MRTFA: variants seen among roughly 807,000 people sequenced by gnomAD.
MRTFA encodes the protein myocardin related transcription factor A.
A neutral mutation model predicts 83.5 loss-of-function variants in MRTFA; 20 were observed. The ratio of observed to expected loss-of-function variants is 0.24; its 90% CI spans 0.17 to 0.35. The LOEUF is 0.35. Among genes scored for constraint, MRTFA ranks in the 10% least tolerant of loss-of-function variants. The pLI is 1.00. For synonymous variants in MRTFA, 659 were observed against 541.2 expected (o/e 1.22, Z -3.02); for missense variants, 1,200 against 1,224.7 (o/e 0.98, Z 0.30).
chr22:40,525,848 C>G (rs1314919869), intron 3 of MRTFA, among the ~76,000 whole-genome samples: 1 of 151,034 alleles, frequency 6.6e-6, no homozygotes, highest in South Asian at 2.1e-4. Flanking sequence ...GGCAGAGAAT[C>G]AAAGAGGAAA....
At chr22:40,612,879 C>T (rs936835044) in intron 1 of MRTFA, among the ~76,000 whole-genome samples, 2 of 152,070 alleles carry the variant, frequency 1.3e-5, no homozygotes, top group Non-Finnish European at 1.5e-5. Context: ...CACAGGAGGT[C>T]GAGCCTGCAG....
At chr22:40,424,464 G>A in intron 7 of MRTFA, 83 bp from the exon 8 acceptor site, 1 of 1,442,464 alleles carries the variant, frequency 6.9e-7, no homozygotes. Flanking sequence ...CAGGCCACAG[G>A]CAGAGTGCCT....
At chr22:40,417,605 G>T in intron 12 of MRTFA, 112 bp from the exon 13 acceptor site, 3 of 717,510 alleles carry the variant, frequency 4.2e-6, no homozygotes, top group Non-Finnish European at 6.7e-6. Context: ...CTCTAGGAGG[G>T]AAGATGGGAG....
intron 3 of MRTFA, among the ~76,000 whole-genome samples, chr22:40,483,372 A>ATT (rs550051844): frequency 0.011 from 1,552 of 139,502 alleles, 32 homozygotes; most frequent in African/African-American, 0.038. Context: ...ACCTAAAGTA[A>ATT]TTTTTTTTTT....
chr22:40,626,935 ACT>A (rs1463190881), intron 1 of MRTFA, among the ~76,000 whole-genome samples: 2 of 151,692 alleles, frequency 1.3e-5, no homozygotes, highest in Non-Finnish European at 2.9e-5. Flanking sequence ...TGATAACACC[ACT>A]CTAACACCAA....
chr22:40,458,661 A>G (rs554502205), intron 4 of MRTFA, among the ~76,000 whole-genome samples: 23 of 152,288 alleles, frequency 1.5e-4, no homozygotes, highest in African/African-American at 5.3e-4. Context: ...TTGATAAAAG[A>G]TATCAACCAG....
chr22:40,441,216 G>C (rs768249273), intron 4 of MRTFA, among the ~76,000 whole-genome samples: 1 of 152,204 alleles, frequency 6.6e-6, no homozygotes, highest in Non-Finnish European at 1.5e-5. Flanking sequence ...CAAAGGAAGT[G>C]TGCAGAAAAT....
At chr22:40,607,914 C>A (rs1190508282) in intron 1 of MRTFA, among the ~76,000 whole-genome samples, 1 of 152,206 alleles carries the variant, frequency 6.6e-6, no homozygotes, top group East Asian at 1.9e-4. Context: ...TTGGGATTAA[C>A]AATCTCCAAT....
Position 40,614,163 on chromosome 22 carries a change from T to G in MRTFA, c.-83-19428A>C, listed in dbSNP as rs143277717. ...GTTGCAGTAAGCCGGGATCACACCA[T>G]TGTACTCCAGCCTGGGCAACAAGAG... On this transcript the variant is annotated intron_variant, in intron 1 of 14. Coordinates refer to ENST00000355630, the MANE Select transcript of MRTFA (RefSeq NM_020831.6). Among the ~76,000 whole-genome samples the G allele has an allele frequency of 7.1e-3, 1,076 of 151,536 alleles. 13 individuals carry two copies. Among genetic ancestry groups the G allele is most frequent in the African/African-American group, 0.025 (1,038 of 41,314 alleles).
intron 3 of MRTFA, among the ~76,000 whole-genome samples, chr22:40,506,524 C>A (rs2054582909): frequency 6.6e-6 from 1 of 152,164 alleles, no homozygotes; most frequent in South Asian, 2.1e-4. Flanking sequence ...GTATTTATCC[C>A]CAATATCTTA....
intron 2 of MRTFA, among the ~76,000 whole-genome samples, chr22:40,568,877 A>T (rs1224573941): frequency 2.6e-5 from 4 of 152,238 alleles, no homozygotes; most frequent in Admixed American, 2.6e-4. Context: ...AAGAAAAGGT[A>T]AATGCACACC....
In MRTFA at chr22:40,470,172, C is replaced by T. The variant is rs538026367; in HGVS notation, c.242-6886G>A. ...CCTGGAGGTGGATGTTGCAGTGAGC[C>T]GAGATTGTACCACTGCATTCTAGCC... On this transcript the variant is annotated intron_variant, in intron 3 of 14. Coordinates refer to ENST00000355630, the MANE Select transcript of MRTFA (RefSeq NM_020831.6). Among the ~76,000 whole-genome samples, 164 of 136,706 alleles carry T rather than the reference C, an allele frequency of 1.2e-3. 2 individuals carry two copies. The highest frequency in any genetic ancestry group is 4.3e-3 in the African/African-American group (153 of 35,458). 89.7% of individuals were successfully genotyped at this position (136,706 alleles called of 152,430 possible).
Position 40,535,348 on chromosome 22 carries a change from C to CTTTTTTTT in MRTFA, c.241+16750_241+16757dup, listed in dbSNP as rs531303160. 2.0e-4 allele frequency among the ~76,000 whole-genome samples: 21 copies of CTTTTTTTT among 107,112 alleles called. 1 individual carries two copies. The highest frequency in any genetic ancestry group is 3.2e-4 in the East Asian group (1 of 3,098). 70.3% of individuals were successfully genotyped at this position (107,112 alleles called of 152,430 possible). On this transcript the variant is annotated intron_variant, in intron 3 of 14. Transcript: ENST00000355630. ...TAATTTGCTGTGTGAGAGGTTTTTT[C>CTTTTTTTT]TTTTTTTTTTTTTTTTTCTTTTTGA... is the stretch of plus-strand genomic sequence containing the variant.
At chr22:40,552,793 G>A (rs563572040) in intron 2 of MRTFA, among the ~76,000 whole-genome samples, 60 of 152,320 alleles carry the variant, frequency 3.9e-4, no homozygotes, top group African/African-American at 1.4e-3. Context: ...TACTGATAGA[G>A]TGGGATGCTG....
intron 2 of MRTFA, among the ~76,000 whole-genome samples, chr22:40,571,921 C>CA (rs557782525): frequency 0.11 from 2,092 of 18,636 alleles, 314 homozygotes; most frequent in East Asian, 0.16. Flanking sequence ...AAGACTCTGT[C>CA]AAAAAAAAAA....
intron 2 of MRTFA, among the ~76,000 whole-genome samples, chr22:40,570,715 T>C (rs1336839222): frequency 6.6e-6 from 1 of 150,698 alleles, no homozygotes; most frequent in East Asian, 2.0e-4. Context: ...AGAGGCCACA[T>C]GTTGAGAATA....
chr22:40,534,128 G>A (rs1016070517), intron 3 of MRTFA, among the ~76,000 whole-genome samples: 5 of 152,176 alleles, frequency 3.3e-5, no homozygotes, highest in Admixed American at 1.3e-4. Context: ...ATTGATGAGA[G>A]GTGGGGAAGA....
rs184164263 is a variant in MRTFA, at chr22:40,550,444, C to A, written c.241+1662G>T. On this transcript the variant is annotated intron_variant, in intron 3 of 14. Coordinates refer to ENST00000355630, the MANE Select transcript of MRTFA (RefSeq NM_020831.6). ...CACAGAGATGGACAGAGAGACCAGT[C>A]AAAGAAAAGAGAGCCTAAAAACTAA... Among the ~76,000 whole-genome samples, 697 of 152,024 alleles carry A rather than the reference C, an allele frequency of 4.6e-3. 5 individuals are homozygous for A. The highest frequency in any genetic ancestry group is 0.012 in the Admixed American group (179 of 15,270).
chr22:40,499,551 C>T (rs2054420206), intron 3 of MRTFA, among the ~76,000 whole-genome samples: 3 of 152,010 alleles, frequency 2.0e-5, no homozygotes, highest in Admixed American at 6.6e-5. Context: ...ATTTCTCAAG[C>T]CAGAAGAAAA....
Sources: gnomAD v4.1 joint callset for allele counts (sites outside exome capture counted in the v4.1 genomes callset) on GRCh38, gnomAD v4.1.1 for gene constraint, MANE v1.5 for transcripts, NCBI Gene and HGNC (gene_info 2026-07-23, HGNC 2026-07-21) for gene names.